Variants in DTWD2 observed in about 807,000 individuals in gnomAD.
DTWD2 encodes tRNA-uridine aminocarboxypropyltransferase 2.
DTWD2 carries 39 observed loss-of-function variants against 31.8 expected under a neutral mutation model. The ratio of observed to expected loss-of-function variants is 1.22; its 90% CI spans 0.95 to 1.60. DTWD2 has a LOEUF of 1.60. DTWD2 is among the 40% of genes most tolerant of loss of function. The probability of loss-of-function intolerance (pLI) is 0.00; values close to 1 mark genes in which losing one functional copy is unlikely to be tolerated. For missense variants in DTWD2, 515 were observed against 381.5 expected, an observed-to-expected ratio of 1.35 and a Z score of -2.92; for synonymous variants, 180 against 142.8, an observed-to-expected ratio of 1.26 and a Z score of -1.86.
At chr5:118,864,530 A>T (rs1456849363) in intron 4 of DTWD2, among the ~76,000 whole-genome samples, 1 of 132,902 alleles carries the variant, frequency 7.5e-6, no homozygotes, top group Admixed American at 7.4e-5. Context: ...TTAGAGTATT[A>T]AAAAAAAAAA....
chr5:118,967,628 T>C (rs1394737880), intron 1 of DTWD2, among the ~76,000 whole-genome samples: 4 of 152,126 alleles, frequency 2.6e-5, no homozygotes, highest in Admixed American at 2.6e-4. Flanking sequence ...GAAATAAAAA[T>C]AGTATTGGAT....
At chr5:118,957,888 A>G (rs1003770733) in intron 1 of DTWD2, among the ~76,000 whole-genome samples, 2 of 152,198 alleles carry the variant, frequency 1.3e-5, no homozygotes, top group Non-Finnish European at 2.9e-5. Flanking sequence ...ACATTTTTAA[A>G]GACTTTATCT....
At chr5:118,957,469 C>A (rs1754611884) in intron 1 of DTWD2, among the ~76,000 whole-genome samples, 1 of 152,068 alleles carries the variant, frequency 6.6e-6, no homozygotes, top group African/African-American at 2.4e-5. Context: ...ATCTGCCTGC[C>A]TTGGCCTCAC....
chr5:118,880,141 C>A (rs1752710366), intron 4 of DTWD2, among the ~76,000 whole-genome samples: 1 of 152,282 alleles, frequency 6.6e-6, no homozygotes. Context: ...ATCCAGACTG[C>A]AGTATTTTTG....
intron 1 of DTWD2, among the ~76,000 whole-genome samples, chr5:118,944,869 T>C (rs532587943): frequency 6.6e-6 from 1 of 152,176 alleles, no homozygotes; most frequent in South Asian, 2.1e-4. Flanking sequence ...ATAGATTAAG[T>C]ACCTCAAAAC....
chr5:118,928,691 G>A lies in DTWD2; in HGVS notation c.443C>T (p.Thr148Ile), dbSNP rs1260114840. 3 of 1,581,250 alleles carry A rather than the reference G, an allele frequency of 1.9e-6. No individual in the cohort carries two copies. The highest frequency in any genetic ancestry group is 1.2e-5 in the South Asian group (1 of 82,280). Residue 148 changes from threonine to isoleucine, a missense_variant, in exon 4 of 6, where the codon ACA becomes ATA. By Grantham distance (89) the Thr-to-Ile change is moderately conservative (BLOSUM62 -1). Transcript: ENST00000510708. Reference protein sequence around the residue: ...ELSTVCRKSGTLILYPGAEAA... With the variant: ...ELSTVCRKSGILILYPGAEAA... ...TTCAGCCCCTGGATATAATATTAAT[G>A]TACCAGACTTCCGGCAAACAGTTGA...
At chr5:118,853,158 G>C (rs184460393) in intron 4 of DTWD2, among the ~76,000 whole-genome samples, 17 of 152,188 alleles carry the variant, frequency 1.1e-4, no homozygotes, top group Non-Finnish European at 1.9e-4. Flanking sequence ...CTAAACCTCA[G>C]CATCACACAA....
intron 4 of DTWD2, among the ~76,000 whole-genome samples, chr5:118,872,148 C>T (rs1752520476): frequency 6.6e-6 from 1 of 152,208 alleles, no homozygotes; most frequent in Admixed American, 6.5e-5. Context: ...TAGAGCCTTG[C>T]TGTAGATTAA....
intron 4 of DTWD2, among the ~76,000 whole-genome samples, chr5:118,857,218 T>A (rs1201662553): frequency 6.6e-6 from 1 of 152,192 alleles, no homozygotes; most frequent in Admixed American, 6.5e-5. Context: ...AACTTTCCTA[T>A]TCATGTGTGT....
intron 4 of DTWD2, among the ~76,000 whole-genome samples, chr5:118,910,579 C>T (rs745488491): frequency 2.0e-5 from 3 of 152,172 alleles, no homozygotes; most frequent in African/African-American, 4.8e-5. Flanking sequence ...CCGTTCATGG[C>T]GGTGTAGGCT....
At chr5:118,863,403 T>C (rs1752311738) in intron 4 of DTWD2, among the ~76,000 whole-genome samples, 1 of 152,194 alleles carries the variant, frequency 6.6e-6, no homozygotes, top group African/African-American at 2.4e-5. Context: ...AAGTAGGCAC[T>C]AAACCATAGA....
chr5:118,965,249 G>A (rs981764876), intron 1 of DTWD2, among the ~76,000 whole-genome samples: 6 of 151,288 alleles, frequency 4.0e-5, no homozygotes, highest in East Asian at 2.0e-4. Context: ...CCCGACAGCC[G>A]CCCCGTCCGG....
At chr5:118,941,575 T>C (rs941908804) in intron 2 of DTWD2, among the ~76,000 whole-genome samples, 27 of 152,354 alleles carry the variant, frequency 1.8e-4, no homozygotes, top group African/African-American at 5.8e-4. Context: ...ATCCAGTCTA[T>C]CATTGTTGGA....
In DTWD2 at chr5:118,963,940, T is replaced by A. The variant is rs62374087; in HGVS notation, c.219-19291A>T. 9.9e-5 allele frequency among the ~76,000 whole-genome samples: 15 copies of A among 152,182 alleles called. No homozygotes were observed. In the East Asian group the frequency reaches 2.7e-3, roughly 27 times the overall value. On this transcript the variant is annotated intron_variant, in intron 1 of 5. Coordinates refer to ENST00000510708, the MANE Select transcript of DTWD2 (RefSeq NM_173666.4). ...ATAAGCATTTGCAGGCCAGGTGCAGTGCTTCACACCTGTAATCCCAGTACT... is the reference window on the plus strand; with the variant it reads ...ATAAGCATTTGCAGGCCAGGTGCAGAGCTTCACACCTGTAATCCCAGTACT...
chr5:118,973,703 C>G, intron 1 of DTWD2: 4 of 1,475,480 alleles, frequency 2.7e-6, no homozygotes, highest in Admixed American at 3.6e-5. Context: ...GCGCCTCCTC[C>G]GCCGCCGCGG....
chr5:118,897,361 T>G (rs1358503974), intron 4 of DTWD2, among the ~76,000 whole-genome samples: 1 of 152,204 alleles, frequency 6.6e-6, no homozygotes, highest in Non-Finnish European at 1.5e-5. Flanking sequence ...AATTTGAGGT[T>G]TACTGGAGGT....
intron 4 of DTWD2, among the ~76,000 whole-genome samples, chr5:118,863,745 T>G (rs373832442): frequency 1.3e-5 from 2 of 152,214 alleles, no homozygotes; most frequent in African/African-American, 2.4e-5. Flanking sequence ...CCTAATATTG[T>G]ACATTTACAA....
At chr5:118,971,502 CAA>C (rs1754987214) in intron 1 of DTWD2, among the ~76,000 whole-genome samples, 1 of 152,074 alleles carries the variant, frequency 6.6e-6, no homozygotes, top group Non-Finnish European at 1.5e-5. Flanking sequence ...TAGAGATCTA[CAA>C]AGAGACTGAC....
rs535930742 is a variant in DTWD2, at chr5:118,915,413, C to T, written c.597+13124G>A. Among the ~76,000 whole-genome samples, 17 of 147,972 alleles carry T rather than the reference C, an allele frequency of 1.1e-4. No individual in the cohort carries two copies. In the Middle Eastern group the frequency reaches 0.011, roughly 94 times the overall value. On this transcript the variant is annotated intron_variant, in intron 4 of 5. Coordinates refer to ENST00000510708, the MANE Select transcript of DTWD2 (RefSeq NM_173666.4). ...TTTTTCAGACAGAGTCTCGCTCTGTCGCCCAGGCTGGAGTGCAGTGGCGCA... is the reference window on the plus strand; with the variant it reads ...TTTTTCAGACAGAGTCTCGCTCTGTTGCCCAGGCTGGAGTGCAGTGGCGCA...
Sources: allele counts gnomAD v4.1 joint callset (sites outside exome capture counted in the v4.1 genomes callset), GRCh38; gene constraint gnomAD v4.1.1; transcripts MANE v1.5; gene names NCBI Gene and HGNC (gene_info 2026-07-23, HGNC 2026-07-21).